OR5AS1: variants seen among roughly 807,000 people sequenced by gnomAD.
The protein encoded by OR5AS1 is olfactory receptor family 5 subfamily AS member 1.
For missense variants in OR5AS1, 492 were observed against 378.2 expected, an observed-to-expected ratio of 1.30 and a Z score of -2.50; for synonymous variants, 196 against 141.7, an observed-to-expected ratio of 1.38 and a Z score of -2.72.
In OR5AS1 at chr11:56,030,986, A is replaced by G. The variant is rs372964473; in HGVS notation, c.568A>G (p.Thr190Ala). The G allele has an allele frequency of 8.7e-6, 14 of 1,614,142 alleles. No homozygotes were observed. The highest frequency in any genetic ancestry group is 2.2e-5 in the East Asian group (1 of 44,884). The change falls in exon 2 of 2, where the codon ACA becomes GCA. Residue 190 changes from threonine to alanine, a missense_variant. Coordinates refer to ENST00000641320, the MANE Select transcript of OR5AS1 (RefSeq NM_001001921.2). Reference sequence around the variant, plus strand: ...CCCACCTCTTCTGGCTTTATCATGTACAGACACTCAGATCAACCAGCTTCT... The same window carrying G: ...CCCACCTCTTCTGGCTTTATCATGTGCAGACACTCAGATCAACCAGCTTCT... ...DIPPLLALSC[T>A]DTQINQLLLF...
chr11:56,031,445 T>G lies in OR5AS1; in HGVS notation c.*52T>G. 8.0e-7 allele frequency: 1 copy of G among 1,247,734 alleles called. No homozygotes were observed. 77.3% of individuals were successfully genotyped at this position (1,247,734 alleles called of 1,614,324 possible). A position where few individuals can be genotyped will look rare whatever the true frequency, so the allele number is the denominator to read the frequency against. On this transcript the variant is annotated 3_prime_UTR_variant, in exon 2 of 2. Transcript: ENST00000641320. ...AATTATGCCATGAACATCTTATGTG[T>G]TAACTATTTTAAATTTATCACATTT... is the stretch of plus-strand genomic sequence containing the variant.
chr11:56,028,738 A>C (rs545194059), intron 1 of OR5AS1, among the ~76,000 whole-genome samples: 1 of 152,104 alleles, frequency 6.6e-6, no homozygotes, highest in Non-Finnish European at 1.5e-5. Context: ...GACTCAAGAA[A>C]GAAAAATAAG....
At position 56,031,002 on chromosome 11, in the gene OR5AS1, A is replaced by T. The variant is rs1853344109; in HGVS notation, c.584A>T (p.Asn195Ile). 2 of 1,614,176 alleles carry T rather than the reference A, an allele frequency of 1.2e-6. No homozygotes were observed. The highest frequency in any genetic ancestry group is 1.1e-5 in the South Asian group (1 of 91,090). Residue 195 changes from asparagine (N) to isoleucine (I), a missense_variant, in exon 2 of 2, where the codon AAC (asparagine) becomes ATC (isoleucine). By Grantham distance (149) the Asn-to-Ile change is moderately radical. Transcript: ENST00000641320. ...LALSCTDTQI[N>I]QLLLFALCSF... ...TTATCATGTACAGACACTCAGATCA[A>T]CCAGCTTCTGCTCTTTGCTTTGTGC...
chr11:56,037,934 G>A lies in OR5AS1; in HGVS notation c.*6541G>A, dbSNP rs1285557360. 1 of 152,002 alleles carries A rather than the reference G, an allele frequency of 6.6e-6. No homozygotes were observed. Among genetic ancestry groups the A allele is most frequent in the Non-Finnish European group, 1.5e-5 (1 of 68,016 alleles). 9.4% of individuals were successfully genotyped at this position (152,002 alleles called of 1,614,324 possible). On this transcript the variant is annotated 3_prime_UTR_variant, in exon 2 of 2. Transcript: ENST00000641320. ...TACCAAAGCAGATATATAGACCAATGGAACAGAATAGAGGCCTCACAAATA... is the reference window on the plus strand; with the variant it reads ...TACCAAAGCAGATATATAGACCAATAGAACAGAATAGAGGCCTCACAAATA...
rs111479866 is a variant in OR5AS1, at chr11:56,032,563, A to C, written c.*1170A>C. The C allele has an allele frequency of 5.3e-5, 8 of 152,168 alleles. No homozygotes were observed. The highest frequency in any genetic ancestry group is 1.0e-4 in the Non-Finnish European group (7 of 68,042). 9.4% of individuals were successfully genotyped at this position (152,168 alleles called of 1,614,324 possible). Reference sequence around the variant, plus strand: ...TAATTATGAAAATATAAATGGTTGGATTAGTTATATTGAATTTAACCTTGG... The same window carrying C: ...TAATTATGAAAATATAAATGGTTGGCTTAGTTATATTGAATTTAACCTTGG... On this transcript the variant is annotated 3_prime_UTR_variant, in exon 2 of 2. Transcript: ENST00000641320.
intron 1 of OR5AS1, among the ~76,000 whole-genome samples, chr11:56,029,952 C>T (rs1435481548): frequency 1.3e-5 from 2 of 152,088 alleles, no homozygotes; most frequent in South Asian, 2.1e-4. Flanking sequence ...TGTGTGATTA[C>T]ACAGTTTTAA....
intron 1 of OR5AS1, among the ~76,000 whole-genome samples, chr11:56,030,079 T>A (rs1252088620): frequency 6.6e-6 from 1 of 152,142 alleles, no homozygotes; most frequent in Non-Finnish European, 1.5e-5. Context: ...ATTATTCTAC[T>A]AGGTCTCATT....
In OR5AS1 at chr11:56,033,500, A is replaced by G. The variant is rs753205457; in HGVS notation, c.*2107A>G. 1.3e-5 allele frequency: 2 copies of G among 152,268 alleles called. No individual in the cohort carries two copies. The highest frequency in any genetic ancestry group is 2.9e-5 in the Non-Finnish European group (2 of 68,136). The allele number at this position is 152,268 out of a possible 1,614,324, so 9.4% of individuals were successfully genotyped here. On this transcript the variant is annotated 3_prime_UTR_variant, in exon 2 of 2. Transcript: ENST00000641320. ...CAGTTTTCCCCTCATAGTGTAAACA[A>G]AGCTGCCAGGAAGTTTGAACTGGGT...
chr11:56,031,411 A>G lies in OR5AS1; in HGVS notation c.*18A>G. ...ATATCTAACTTACCCTTCCAATCTCATAAACAGCAATTATGCCATGAACAT... is the reference window on the plus strand; with the variant it reads ...ATATCTAACTTACCCTTCCAATCTCGTAAACAGCAATTATGCCATGAACAT... On this transcript the variant is annotated 3_prime_UTR_variant, in exon 2 of 2. Transcript: ENST00000641320. 1 of 1,435,556 alleles carries G rather than the reference A, an allele frequency of 7.0e-7. No individual in the cohort carries two copies. Among genetic ancestry groups the G allele is most frequent in the Non-Finnish European group, 9.3e-7 (1 of 1,072,620 alleles). The allele number at this position is 1,435,556 out of a possible 1,614,324, so 88.9% of individuals were successfully genotyped here.
chr11:56,030,555 T>TCTAA lies in OR5AS1; in HGVS notation c.137_138insCTAA (p.Ile47Ter), dbSNP rs757306380. 1.9e-6 allele frequency: 3 copies of TCTAA among 1,552,166 alleles called. No homozygotes were observed. Among genetic ancestry groups the TCTAA allele is most frequent in the Non-Finnish European group, 2.6e-6 (3 of 1,146,156 alleles). On this transcript the variant is annotated stop_gained and frameshift_variant, in exon 2 of 2. Transcript: ENST00000641320. LOFTEE classifies it low-confidence loss of function (END_TRUNC). ...ACTATGGTCGGAAATATACTCTTAA[T>TCTAA]AATTCTAGTTAATATTAATTCAAGC... is the stretch of plus-strand genomic sequence containing the variant.
At chr11:56,029,215 T>C (rs552658941) in intron 1 of OR5AS1, among the ~76,000 whole-genome samples, 2 of 152,184 alleles carry the variant, frequency 1.3e-5, no homozygotes, top group Admixed American at 6.5e-5. Context: ...TTACTCACCA[T>C]AGACACTTCT....
intron 1 of OR5AS1, among the ~76,000 whole-genome samples, chr11:56,029,986 A>T (rs1020438556): frequency 2.0e-5 from 3 of 152,110 alleles, no homozygotes; most frequent in African/African-American, 7.3e-5. Context: ...TTCATATTTT[A>T]TCTCAACTCT....
At chr11:56,030,367 C>G (rs972142504) in intron 1 of OR5AS1, 24 bp from the exon 2 acceptor site, 3 of 1,247,988 alleles carry the variant, frequency 2.4e-6, no homozygotes, top group Non-Finnish European at 3.2e-6. Context: ...CTCAAGTTAA[C>G]TCACATCTGC....
At position 56,032,666 on chromosome 11, in the gene OR5AS1, G is replaced by A. The variant is rs1008523370; in HGVS notation, c.*1273G>A. 2 of 151,956 alleles carry A rather than the reference G, an allele frequency of 1.3e-5. No homozygotes were observed. Among genetic ancestry groups the A allele is most frequent in the African/African-American group, 4.8e-5 (2 of 41,318 alleles). 9.4% of individuals were successfully genotyped at this position (151,956 alleles called of 1,614,324 possible). A position where few individuals can be genotyped will look rare whatever the true frequency, so the allele number is the denominator to read the frequency against. On this transcript the variant is annotated 3_prime_UTR_variant, in exon 2 of 2. Transcript: ENST00000641320. ...GTAAAGTTATATATGTAAAATTACTGGTATATGTATATGATTTGAAAATTA... is the reference window on the plus strand; with the variant it reads ...GTAAAGTTATATATGTAAAATTACTAGTATATGTATATGATTTGAAAATTA...
At position 56,036,869 on chromosome 11, in the gene OR5AS1, A is replaced by AG. The variant is rs1853411028; in HGVS notation, c.*5476_*5477insG. ...TGATGAACATGATGCAAAAATCCTC[A>AG]AAAAATACTGGCAAACTGAATTCAG... On this transcript the variant is annotated 3_prime_UTR_variant, in exon 2 of 2. Transcript: ENST00000641320. The AG allele has an allele frequency of 6.6e-6, 1 of 152,104 alleles. No homozygotes were observed. The highest frequency in any genetic ancestry group is 2.4e-5 in the African/African-American group (1 of 41,378). 9.4% of individuals were successfully genotyped at this position (152,104 alleles called of 1,614,324 possible). A position where few individuals can be genotyped will look rare whatever the true frequency, so the allele number is the denominator to read the frequency against.
At position 56,030,666 on chromosome 11, in the gene OR5AS1, C is replaced by A. The variant is rs1323955707; in HGVS notation, c.248C>A (p.Ala83Glu). 6.3e-7 allele frequency: 1 copy of A among 1,584,120 alleles called. No individual in the cohort carries two copies. Among genetic ancestry groups the A allele is most frequent in the South Asian group, 1.2e-5 (1 of 86,890 alleles). The change falls in exon 2 of 2, where the codon GCA (alanine) becomes GAA (glutamate). Residue 83 changes from alanine (A) to glutamate (E), a missense_variant. By Grantham distance (107) the Ala-to-Glu change is moderately radical. Coordinates refer to ENST00000641320, the MANE Select transcript of OR5AS1 (RefSeq NM_001001921.2). ...ACAGCAATCACTCCTAAAATGCTGG[C>A]AAACTTCTTGGCATCCAGGAAAAGC... ...CSTAITPKMLANFLASRKSIS... is the reference protein window; with the variant it reads ...CSTAITPKMLENFLASRKSIS...
At chr11:56,028,891 G>A (rs981234778) in intron 1 of OR5AS1, among the ~76,000 whole-genome samples, 1 of 152,004 alleles carries the variant, frequency 6.6e-6, no homozygotes, top group African/African-American at 2.4e-5. Flanking sequence ...GCTAGGGTTG[G>A]CCAGGAATAA....
Position 56,038,157 on chromosome 11 carries a change from A to G in OR5AS1, c.*6764A>G, listed in dbSNP as rs1188765788. The G allele has an allele frequency of 6.6e-6, 1 of 152,066 alleles. No individual in the cohort carries two copies. Among genetic ancestry groups the G allele is most frequent in the East Asian group, 1.9e-4 (1 of 5,194 alleles). 9.4% of individuals were successfully genotyped at this position (152,066 alleles called of 1,614,324 possible). A position where few individuals can be genotyped will look rare whatever the true frequency, so the allele number is the denominator to read the frequency against. On this transcript the variant is annotated 3_prime_UTR_variant, in exon 2 of 2. Transcript: ENST00000641320. ...AAGACTTAAACATAAAACCATCAACACGCTGAACCATGCACTTGCCTTGCT... is the reference window on the plus strand; with the variant it reads ...AAGACTTAAACATAAAACCATCAACGCGCTGAACCATGCACTTGCCTTGCT...
chr11:56,030,618 C>T lies in OR5AS1; in HGVS notation c.200C>T (p.Ser67Phe). 2 of 1,547,264 alleles carry T rather than the reference C, an allele frequency of 1.3e-6. No individual in the cohort carries two copies. The highest frequency in any genetic ancestry group is 1.7e-6 in the Non-Finnish European group (2 of 1,150,374). Reference sequence around the variant, plus strand: ...ATGTATTATTTTCTTAGCAACTTATCTTTCTTAGACATCAGCTGTTCTACA... The same window carrying T: ...ATGTATTATTTTCTTAGCAACTTATTTTTCTTAGACATCAGCTGTTCTACA... ...IPMYYFLSNL[S>F]FLDISCSTAI... Residue 67 changes from serine to phenylalanine, a missense_variant, in exon 2 of 2, where the codon TCT becomes TTT. Ser to Phe is a radical substitution (Grantham distance 155, BLOSUM62 -2). Coordinates refer to ENST00000641320, the MANE Select transcript of OR5AS1 (RefSeq NM_001001921.2).
Sources: allele counts gnomAD v4.1 joint callset (sites outside exome capture counted in the v4.1 genomes callset), GRCh38; gene constraint gnomAD v4.1.1; transcripts MANE v1.5; gene names NCBI Gene and HGNC (gene_info 2026-07-23, HGNC 2026-07-21).